GTF3C4: variants seen among roughly 807,000 people sequenced by gnomAD.
GTF3C4 encodes general transcription factor 3C polypeptide 4.
In GTF3C4, 28 loss-of-function variants were observed where a neutral mutation model predicts 67.5. The ratio of observed to expected loss-of-function variants is 0.41; its 90% confidence interval spans 0.31 to 0.57. The LOEUF (loss-of-function observed/expected upper bound fraction) is 0.57, where lower values mean the gene tolerates loss of function less well. Among genes scored for constraint, GTF3C4 ranks in the 20% least tolerant of loss-of-function variants. GTF3C4 has a pLI of 0.21. For missense variants in GTF3C4, 831 were observed against 1,033.2 expected (o/e 0.80, Z 2.68); for synonymous variants, 409 against 393.0 (o/e 1.04, Z -0.48).
chr9:132,678,121 A>G lies in GTF3C4; in HGVS notation c.502A>G (p.Ser168Gly). ...LPPMRGFKYT[S>G]WSPMGCDANG... ...ACCAATGAGAGGATTCAAGTACACC[A>G]GCTGGTCTCCCATGGGTTGCGATGC... Residue 168 changes from serine (S) to glycine (G), a missense_variant, in exon 2 of 5, where the codon AGC becomes GGC. By Grantham distance (56) the Ser-to-Gly change is moderately conservative (BLOSUM62 0). Transcript: ENST00000372146. The surrounding 1 kb of genome is among the most constrained non-coding windows in gnomAD (Gnocchi z 6.5). The G allele has an allele frequency of 6.2e-7, 1 of 1,614,260 alleles. No individual in the cohort carries two copies.
At chr9:132,672,302 A>G (rs1212063962) in intron 1 of GTF3C4, among the ~76,000 whole-genome samples, 1 of 152,242 alleles carries the variant, frequency 6.6e-6, no homozygotes, top group Non-Finnish European at 1.5e-5. Flanking sequence ...TATAGTAGAC[A>G]TCGAATACCT....
intron 4 of GTF3C4, 69 bp from the exon 5 acceptor site, chr9:132,688,812 C>G: frequency 1.8e-6 from 2 of 1,119,798 alleles, no homozygotes; most frequent in South Asian, 2.5e-5. Flanking sequence ...ACGCTACAGT[C>G]CGGTATTCAT....
chr9:132,676,569 C>G (rs553464950), intron 1 of GTF3C4, among the ~76,000 whole-genome samples: 1 of 152,174 alleles, frequency 6.6e-6, no homozygotes, highest in Admixed American at 6.5e-5. Context: ...GATCCACCTA[C>G]CTCGGCCTCC....
At chr9:132,673,156 C>T (rs538404487) in intron 1 of GTF3C4, among the ~76,000 whole-genome samples, 1 of 152,002 alleles carries the variant, frequency 6.6e-6, no homozygotes, top group Admixed American at 6.6e-5. Context: ...GTACTCCAGC[C>T]TGGGCGACAG....
intron 1 of GTF3C4, among the ~76,000 whole-genome samples, chr9:132,672,034 A>G (rs1416690801): frequency 6.6e-6 from 1 of 152,200 alleles, no homozygotes; most frequent in African/African-American, 2.4e-5. Flanking sequence ...TCAAGTTTCA[A>G]ACATCTTTCT....
chr9:132,685,753 T>C (rs2130901745), intron 3 of GTF3C4, among the ~76,000 whole-genome samples: 1 of 152,344 alleles, frequency 6.6e-6, no homozygotes, highest in Non-Finnish European at 1.5e-5. Flanking sequence ...TAAAAACATA[T>C]ACTGAGTGCT....
At chr9:132,680,838 T>C (rs1835930358) in intron 2 of GTF3C4, among the ~76,000 whole-genome samples, 1 of 152,214 alleles carries the variant, frequency 6.6e-6, no homozygotes, top group African/African-American at 2.4e-5. Context: ...GGGCTGGGCG[T>C]GGTGGCTCAC....
rs1836073202 is a variant in GTF3C4 at position 132,689,030 on chromosome 9, G to C, written c.*85G>C. On this transcript the variant is annotated 3_prime_UTR_variant, in exon 5 of 5. Coordinates refer to ENST00000372146, the MANE Select transcript of GTF3C4 (RefSeq NM_012204.4). ...AGCCTGAAGAGAAGGATGCACTGGA[G>C]GAAGCCGGACCCTCACGAGTGGAGA... 1.0e-6 allele frequency: 1 copy of C among 999,246 alleles called. No individual in the cohort carries two copies. The highest frequency in any genetic ancestry group is 1.6e-6 in the Non-Finnish European group (1 of 631,532). The allele number at this position is 999,246 out of a possible 1,614,324, so 61.9% of individuals were successfully genotyped here.
chr9:132,679,896 T>C lies in GTF3C4; in HGVS notation c.2184+93T>C, dbSNP rs1049884436. 9.8e-6 allele frequency: 12 copies of C among 1,220,330 alleles called. No individual in the cohort carries two copies. The highest frequency in any genetic ancestry group is 1.4e-5 in the Non-Finnish European group (12 of 878,124). The allele number at this position is 1,220,330 out of a possible 1,614,324, so 75.6% of individuals were successfully genotyped here. ...AAATTGAGTTCCTGAAGCTCAACTTTTGCTTTGACATTTTTTAGGTAATTT... is the reference window on the plus strand; with the variant it reads ...AAATTGAGTTCCTGAAGCTCAACTTCTGCTTTGACATTTTTTAGGTAATTT... On this transcript the variant is annotated intron_variant, in intron 2 of 4. Coordinates refer to ENST00000372146, the MANE Select transcript of GTF3C4 (RefSeq NM_012204.4). This position sits in a 1 kb window ranked among gnomAD's most constrained non-coding sequence, Gnocchi z 5.9.
intron 1 of GTF3C4, among the ~76,000 whole-genome samples, chr9:132,671,418 C>CAGAAA (rs1835755951): frequency 6.6e-6 from 1 of 152,210 alleles, no homozygotes; most frequent in Non-Finnish European, 1.5e-5. Context: ...TCTTTAGCTT[C>CAGAAA]AGAAAAGAAA....
At position 132,685,014 on chromosome 9, in the gene GTF3C4, AT is replaced by A. The variant is rs3041416; in HGVS notation, c.2315+1339del. Among the ~76,000 whole-genome samples, 1,138 of 135,382 alleles carry A rather than the reference AT, an allele frequency of 8.4e-3. 8 individuals are homozygous for A. The highest frequency in any genetic ancestry group is 0.02 in the African/African-American group (713 of 35,992). 88.8% of individuals were successfully genotyped at this position (135,382 alleles called of 152,430 possible). ...TACATGGTGGGCACTAAATTTTTTA[AT>A]TTTTTTTTTTTTTTTTTGAGACAGG... On this transcript the variant is annotated intron_variant, in intron 3 of 4. Transcript: ENST00000372146.
At chr9:132,686,641 G>A (rs1467575349) in intron 3 of GTF3C4, among the ~76,000 whole-genome samples, 1 of 152,218 alleles carries the variant, frequency 6.6e-6, no homozygotes, top group East Asian at 1.9e-4. Context: ...GTGAACATTT[G>A]TTAGTGTCCT....
Position 132,694,294 on chromosome 9 carries a change from C to T in GTF3C4, c.*5349C>T, listed in dbSNP as rs960944085. 2 of 152,196 alleles carry T rather than the reference C, an allele frequency of 1.3e-5. No homozygotes were observed. The highest frequency in any genetic ancestry group is 2.9e-5 in the Non-Finnish European group (2 of 68,032). 9.4% of individuals were successfully genotyped at this position (152,196 alleles called of 1,614,324 possible). ...GCAGCACCTAATGTAAAGTGCCTTG[C>T]ACAGGGTAGGTGCTCATGACGTGTA... On this transcript the variant is annotated 3_prime_UTR_variant, in exon 5 of 5. Transcript: ENST00000372146.
At chr9:132,686,278 T>A (rs985668524) in intron 3 of GTF3C4, among the ~76,000 whole-genome samples, 1 of 152,210 alleles carries the variant, frequency 6.6e-6, no homozygotes, top group African/African-American at 2.4e-5. Context: ...GAAAACTGTT[T>A]TCATTTTTCT....
intron 1 of GTF3C4, among the ~76,000 whole-genome samples, chr9:132,677,209 C>T (rs1835875223): frequency 6.6e-6 from 1 of 152,138 alleles, no homozygotes; most frequent in Non-Finnish European, 1.5e-5. Flanking sequence ...CAAGACCAGC[C>T]TGACCAACAT....
At chr9:132,675,239 T>G (rs1224136101) in intron 1 of GTF3C4, among the ~76,000 whole-genome samples, 1 of 152,168 alleles carries the variant, frequency 6.6e-6, no homozygotes, top group Admixed American at 6.5e-5. Flanking sequence ...GAGCCAGCAT[T>G]TGAACCCAGG....
Position 132,678,188 on chromosome 9 carries a change from G to A in GTF3C4, c.569G>A (p.Arg190His), listed in dbSNP as rs925192356. 2.3e-5 allele frequency: 37 copies of A among 1,614,118 alleles called. No individual in the cohort carries two copies. Among genetic ancestry groups the A allele is most frequent in the Admixed American group, 3.3e-5 (2 of 60,002 alleles). ...TTGGCAGCACTGACCATGGACAATC[G>A]CCTGACCATCCAGGCAAATCTCAAC... The part of the protein sequence containing the change: ...CLLAALTMDN[R>H]LTIQANLNRL... The change falls in exon 2 of 5, where the codon CGC becomes CAC. Residue 190 changes from arginine (R) to histidine (H), a missense_variant. By Grantham distance (29) the Arg-to-His change is conservative (BLOSUM62 0). Coordinates refer to ENST00000372146, the MANE Select transcript of GTF3C4 (RefSeq NM_012204.4). The surrounding 1 kb of genome is among the most constrained non-coding windows in gnomAD (Gnocchi z 6.5).
chr9:132,676,358 A>C, intron 1 of GTF3C4, among the ~76,000 whole-genome samples: 1 of 129,322 alleles, frequency 7.7e-6, no homozygotes. Context: ...TGGCTCCATC[A>C]CCCAGGCTGG....
rs1413654084 is a variant in GTF3C4 at position 132,690,646 on chromosome 9, A to T, written c.*1701A>T. The T allele has an allele frequency of 1.3e-5, 2 of 151,882 alleles. No individual in the cohort carries two copies. Among genetic ancestry groups the T allele is most frequent in the Non-Finnish European group, 2.9e-5 (2 of 67,986 alleles). 9.4% of individuals were successfully genotyped at this position (151,882 alleles called of 1,614,324 possible). On this transcript the variant is annotated 3_prime_UTR_variant, in exon 5 of 5. Coordinates refer to ENST00000372146, the MANE Select transcript of GTF3C4 (RefSeq NM_012204.4). ...ATTTGCTATTCTGCTTATTTTTCTC[A>T]TTTGGTGGTAATTTCAAGAAGAGCG...
Sources: gnomAD v4.1 joint callset for allele counts (sites outside exome capture counted in the v4.1 genomes callset) on GRCh38, gnomAD v4.1.1 for gene constraint, Gnocchi (gnomAD v3.1) non-coding constraint, MANE v1.5 for transcripts, NCBI Gene and HGNC (gene_info 2026-07-23, HGNC 2026-07-21) for gene names.